The following PRKCB variants were observed in gnomAD, a reference collection of about 807,000 sequenced individuals.
PRKCB encodes the protein protein kinase C beta.
PRKCB carries 13 observed loss-of-function variants against 81.5 expected under a neutral mutation model. The observed-to-expected ratio is 0.16, with a 90% confidence interval of 0.10 to 0.25. PRKCB has a LOEUF of 0.25. Among genes scored for constraint, PRKCB ranks in the 10% least tolerant of loss-of-function variants. The pLI is 1.00. For synonymous variants in PRKCB, 335 were observed against 321.4 expected, an observed-to-expected ratio of 1.04 and a Z score of -0.45; for missense variants, 509 against 875.7, an observed-to-expected ratio of 0.58 and a Z score of 5.29.
intron 3 of PRKCB, among the ~76,000 whole-genome samples, chr16:23,998,251 A>G (rs1490354952): frequency 7.9e-5 from 12 of 152,162 alleles, no homozygotes; most frequent in Admixed American, 7.9e-4. Context: ...TTGGGCTCAG[A>G]TTTCAAACAT....
At chr16:24,177,047 C>G (rs1460466466) in intron 12 of PRKCB, among the ~76,000 whole-genome samples, 1 of 152,184 alleles carries the variant, frequency 6.6e-6, no homozygotes, top group African/African-American at 2.4e-5. Flanking sequence ...ACATTAGGAC[C>G]TAACTCCTAT....
intron 2 of PRKCB, among the ~76,000 whole-genome samples, chr16:23,845,871 A>C (rs537845133): frequency 1.3e-5 from 2 of 152,336 alleles, no homozygotes; most frequent in South Asian, 2.1e-4. Flanking sequence ...AAGAAGAAAA[A>C]TCAGACAATT....
At chr16:23,941,250 C>T (rs1822712278) in intron 2 of PRKCB, among the ~76,000 whole-genome samples, 2 of 152,142 alleles carry the variant, frequency 1.3e-5, no homozygotes, top group South Asian at 4.1e-4. Context: ...GGCCTGCAGG[C>T]TGTAGTTTAC....
rs530334736 is a variant in PRKCB at position 23,911,818 on chromosome 16, C to T, written c.205+74412C>T. Among the ~76,000 whole-genome samples, 29 of 132,314 alleles carry T rather than the reference C, an allele frequency of 2.2e-4. No homozygotes were observed. In the East Asian group the frequency reaches 4.2e-3, roughly 19 times the overall value. The allele number at this position is 132,314 out of a possible 152,430, so 86.8% of individuals were successfully genotyped here. ...CGTTTGTCTTGTCCTGGGATATGCG[C>T]GACCCACATTTTTTTTTTTTTTTTT... On this transcript the variant is annotated intron_variant, in intron 2 of 16. Transcript: ENST00000643927.
chr16:23,938,887 A>G (rs1239032918), intron 2 of PRKCB, among the ~76,000 whole-genome samples: 2 of 152,244 alleles, frequency 1.3e-5, no homozygotes, highest in Non-Finnish European at 2.9e-5. Context: ...AAAAAGAAAG[A>G]AAGAAAGAAA....
At chr16:23,901,710 C>A (rs531133539) in intron 2 of PRKCB, among the ~76,000 whole-genome samples, 1 of 152,256 alleles carries the variant, frequency 6.6e-6, no homozygotes, top group East Asian at 1.9e-4. Flanking sequence ...CTGTGAGGTT[C>A]TCTTCCCTGA....
chr16:23,912,559 C>T (rs1428614313), intron 2 of PRKCB, among the ~76,000 whole-genome samples: 2 of 121,060 alleles, frequency 1.7e-5, no homozygotes, highest in African/African-American at 6.4e-5. Context: ...GTTGCCCAGG[C>T]TGGAGTGCAG....
chr16:24,164,544 A>G (rs1017288031), intron 10 of PRKCB, among the ~76,000 whole-genome samples: 9 of 152,200 alleles, frequency 5.9e-5, no homozygotes, highest in African/African-American at 1.4e-4. Context: ...GAAGAGAAAG[A>G]TGGTGAGTTT....
At chr16:23,876,068 G>T (rs1220976581) in intron 2 of PRKCB, among the ~76,000 whole-genome samples, 1 of 152,096 alleles carries the variant, frequency 6.6e-6, no homozygotes, top group Non-Finnish European at 1.5e-5. Context: ...GTCCCTTTAA[G>T]GTTGACATAT....
chr16:23,996,549 A>G (rs1210145638), intron 3 of PRKCB, among the ~76,000 whole-genome samples: 1 of 152,228 alleles, frequency 6.6e-6, no homozygotes. Context: ...TGGAAGAGGC[A>G]GCATTTTATC....
At chr16:24,135,437 C>T (rs113595374) in intron 9 of PRKCB, among the ~76,000 whole-genome samples, 41 of 151,726 alleles carry the variant, frequency 2.7e-4, no homozygotes, top group Admixed American at 1.8e-3. Context: ...CTCAGCCTCC[C>T]GAGTGGCTGG....
chr16:24,050,269 C>T (rs754089623), intron 5 of PRKCB, among the ~76,000 whole-genome samples: 1 of 152,094 alleles, frequency 6.6e-6, no homozygotes. Flanking sequence ...ATGATAGGGC[C>T]GAGTATGCCA....
intron 3 of PRKCB, among the ~76,000 whole-genome samples, chr16:23,990,027 C>T (rs1004609652): frequency 3.3e-5 from 5 of 152,066 alleles, no homozygotes; most frequent in Non-Finnish European, 7.4e-5. Flanking sequence ...CCTTTTGGGT[C>T]AATGAGGGAC....
chr16:24,131,516 GTC>G (rs1446344712), intron 9 of PRKCB, among the ~76,000 whole-genome samples: 1 of 152,246 alleles, frequency 6.6e-6, no homozygotes, highest in Non-Finnish European at 1.5e-5. Flanking sequence ...GTTGACTATA[GTC>G]TTGGCCAAGT....
intron 3 of PRKCB, among the ~76,000 whole-genome samples, chr16:24,005,978 C>G (rs1965113116): frequency 6.6e-6 from 1 of 152,198 alleles, no homozygotes; most frequent in African/African-American, 2.4e-5. Context: ...TGACCATCAC[C>G]TGGACCAAAA....
intron 15 of PRKCB, among the ~76,000 whole-genome samples, chr16:24,188,339 C>A (rs1169918299): frequency 6.6e-6 from 1 of 152,150 alleles, no homozygotes; most frequent in Admixed American, 6.6e-5. Context: ...CCAGGGGATA[C>A]GTCTGGGAGG....
At chr16:23,886,406 G>GTTTTTTTGTTTTTTTTTTGTTT (rs1963201713) in intron 2 of PRKCB, among the ~76,000 whole-genome samples, 1 of 70,202 alleles carries the variant, frequency 1.4e-5, no homozygotes, top group African/African-American at 6.5e-5. Context: ...TGTGTTAGGT[G>GTTTTTTTGTTTTTTTTTTGTTT]TTTTTTTTTT....
At chr16:23,926,735 T>C (rs563456342) in intron 2 of PRKCB, among the ~76,000 whole-genome samples, 11 of 151,754 alleles carry the variant, frequency 7.2e-5, no homozygotes, top group Admixed American at 7.2e-4. Context: ...GATGCTTAAG[T>C]TGATTCCATA....
chr16:23,878,817 T>C (rs958737681), intron 2 of PRKCB, among the ~76,000 whole-genome samples: 1 of 152,322 alleles, frequency 6.6e-6, no homozygotes. Flanking sequence ...CTGCAGGTCT[T>C]GCAGCCAGGG....
Sources: allele counts gnomAD v4.1 joint callset (sites outside exome capture counted in the v4.1 genomes callset), GRCh38; gene constraint gnomAD v4.1.1; transcripts MANE v1.5; gene names NCBI Gene and HGNC (gene_info 2026-07-23, HGNC 2026-07-21).